GREB1L: variants seen among roughly 807,000 people sequenced by gnomAD.
The protein encoded by GREB1L is GREB1-like protein.
A neutral mutation model predicts 200.8 loss-of-function variants in GREB1L; 17 were observed. The ratio of observed to expected loss-of-function variants is 0.08; its 90% CI spans 0.06 to 0.13. The LOEUF (loss-of-function observed/expected upper bound fraction) is 0.13. Ranked by LOEUF, GREB1L falls within the 10% of genes least tolerant of loss-of-function variation. The pLI is 1.00. For missense variants in GREB1L, 1,657 were observed against 2,367.7 expected (o/e 0.70, Z 6.23); for synonymous variants, 789 against 893.0 (o/e 0.88, Z 2.08).
chr18:21,310,861 T>G (rs1174028582), intron 1 of GREB1L, among the ~76,000 whole-genome samples: 1 of 151,952 alleles, frequency 6.6e-6, no homozygotes, highest in African/African-American at 2.4e-5. Flanking sequence ...TGAATAAGAG[T>G]TAAACATTTT....
chr18:21,435,277 G>A (rs550371247), intron 7 of GREB1L, among the ~76,000 whole-genome samples: 20 of 152,298 alleles, frequency 1.3e-4, no homozygotes, highest in Admixed American at 9.8e-4. Flanking sequence ...GTCAGGGAAT[G>A]ACACTTGTTA....
At chr18:21,407,568 C>G (rs1014877080) in intron 7 of GREB1L, among the ~76,000 whole-genome samples, 5 of 152,144 alleles carry the variant, frequency 3.3e-5, no homozygotes, top group African/African-American at 1.2e-4. Context: ...TCAAATGACT[C>G]TAAATATAAG....
intron 17 of GREB1L, among the ~76,000 whole-genome samples, chr18:21,484,006 G>C (rs9959540): frequency 5.3e-5 from 8 of 151,066 alleles, no homozygotes; most frequent in African/African-American, 1.9e-4. Context: ...TCAGAATTTG[G>C]GCTACCAAAT....
intron 1 of GREB1L, among the ~76,000 whole-genome samples, chr18:21,301,427 C>T (rs1567928075): frequency 6.6e-6 from 1 of 152,152 alleles, no homozygotes; most frequent in African/African-American, 2.4e-5. Flanking sequence ...GCCCAGTTAC[C>T]CCTTCCCAGT....
chr18:21,456,695 T>C (rs1044294954), intron 15 of GREB1L, among the ~76,000 whole-genome samples: 1 of 152,198 alleles, frequency 6.6e-6, no homozygotes, highest in African/African-American at 2.4e-5. Context: ...AATGACTTGT[T>C]GGAAATATCG....
intron 1 of GREB1L, among the ~76,000 whole-genome samples, chr18:21,348,395 C>T (rs78015343): frequency 0.012 from 1,764 of 152,062 alleles, 39 homozygotes; most frequent in African/African-American, 0.04. Flanking sequence ...TCCCAGCACT[C>T]TAGGAGGTTT....
At chr18:21,264,379 A>G (rs1301077363) in intron 1 of GREB1L, among the ~76,000 whole-genome samples, 1 of 152,022 alleles carries the variant, frequency 6.6e-6, no homozygotes, top group Non-Finnish European at 1.5e-5. Context: ...GATCACTTTA[A>G]TCTACTCCTT....
chr18:21,477,079 C>A, intron 16 of GREB1L, 85 bp from the exon 17 acceptor site: 3 of 844,220 alleles, frequency 3.6e-6, no homozygotes, highest in South Asian at 6.6e-5. Context: ...AAAATAAAAA[C>A]TAAAACAGTA....
chr18:21,520,829 T>A lies in GREB1L; in HGVS notation c.5608+6T>A. 5 of 1,526,908 alleles carry A rather than the reference T, an allele frequency of 3.3e-6. No homozygotes were observed. The highest frequency in any genetic ancestry group is 4.4e-6 in the Non-Finnish European group (5 of 1,132,506). 94.6% of individuals were successfully genotyped at this position (1,526,908 alleles called of 1,614,324 possible). A position where few individuals can be genotyped will look rare whatever the true frequency, so the allele number is the denominator to read the frequency against. On this transcript the variant is annotated splice_donor_region_variant and intron_variant, in intron 32 of 32. Coordinates refer to ENST00000424526, the MANE Select transcript of GREB1L (RefSeq NM_001142966.3). The stretch of plus-strand genomic sequence containing the variant: ...GAAATTTAAATTTCTAAAAGGTAAG[T>A]CAAATTTAGTATCTTGCTTGTAATT...
chr18:21,450,393 T>A (rs918256383), intron 12 of GREB1L, among the ~76,000 whole-genome samples: 1 of 152,174 alleles, frequency 6.6e-6, no homozygotes, highest in Non-Finnish European at 1.5e-5. Flanking sequence ...TACATTTTGC[T>A]TCTCTCTTCT....
At chr18:21,299,473 T>C (rs2038583507) in intron 1 of GREB1L, among the ~76,000 whole-genome samples, 3 of 151,922 alleles carry the variant, frequency 2.0e-5, no homozygotes, top group Admixed American at 2.0e-4. Context: ...CCTTTTTATA[T>C]GGTACTCATT....
At chr18:21,491,889 A>G (rs1270771452) in intron 19 of GREB1L, among the ~76,000 whole-genome samples, 1 of 152,138 alleles carries the variant, frequency 6.6e-6, no homozygotes, top group Non-Finnish European at 1.5e-5. Flanking sequence ...TGTAACATTT[A>G]TGTTTCATAT....
chr18:21,469,670 A>G (rs1459572716), intron 15 of GREB1L, among the ~76,000 whole-genome samples: 1 of 152,228 alleles, frequency 6.6e-6, no homozygotes, highest in African/African-American at 2.4e-5. Flanking sequence ...ATATTAACCC[A>G]TGAATGCACA....
Position 21,485,640 on chromosome 18 carries a change from G to A in GREB1L, c.2577G>A (p.Glu859=). The part of the protein sequence containing the change: ...LDTGEDVGCE[E]KLYFGLSEYS... ...ACCAGGAGGACGTGGGCTGCGAGGA[G>A]AAGCTGTACTTTGGCTTGAGTGAGT... Residue 859 remains glutamate, a synonymous_variant, in exon 18 of 33, where the codon GAG becomes GAA. Coordinates refer to ENST00000424526, the MANE Select transcript of GREB1L (RefSeq NM_001142966.3). The A allele has an allele frequency of 6.4e-7, 1 of 1,551,530 alleles. No individual in the cohort carries two copies. The highest frequency in any genetic ancestry group is 8.7e-7 in the Non-Finnish European group (1 of 1,146,906).
In GREB1L at chr18:21,306,408, G is replaced by C. The variant is rs369348075; in HGVS notation, c.-119-59619G>C. On this transcript the variant is annotated intron_variant, in intron 1 of 32. Coordinates refer to ENST00000424526, the MANE Select transcript of GREB1L (RefSeq NM_001142966.3). ...TGGTTATTCAATCAATTTGTGGCAA[G>C]GAAAAGAGACTAGCAATCATAGCTT... 2.6e-5 allele frequency among the ~76,000 whole-genome samples: 4 copies of C among 152,178 alleles called. No homozygotes were observed. The South Asian group carries it at 6.2e-4, about 24-fold the overall frequency.
intron 1 of GREB1L, among the ~76,000 whole-genome samples, chr18:21,297,520 G>GT (rs1018350724): frequency 1.3e-5 from 2 of 152,156 alleles, no homozygotes; most frequent in Non-Finnish European, 2.9e-5. Context: ...GTGTCATGTT[G>GT]TGATGGAAGA....
At chr18:21,426,041 A>G (rs537067614) in intron 7 of GREB1L, among the ~76,000 whole-genome samples, 75 of 149,796 alleles carry the variant, frequency 5.0e-4, no homozygotes, top group Middle Eastern at 3.5e-3. Context: ...TTAGATGTAT[A>G]ATCTATTTTA....
intron 1 of GREB1L, among the ~76,000 whole-genome samples, chr18:21,299,152 C>T (rs2038576939): frequency 6.6e-6 from 1 of 151,320 alleles, no homozygotes; most frequent in Admixed American, 6.6e-5. Context: ...GTGGCAGGTG[C>T]CTGTAATCCC....
chr18:21,354,642 A>G (rs2039478838), intron 1 of GREB1L, among the ~76,000 whole-genome samples: 1 of 152,250 alleles, frequency 6.6e-6, no homozygotes, highest in Non-Finnish European at 1.5e-5. Context: ...AGGTTCTATG[A>G]GAGCTTTTAG....
Sources: gnomAD v4.1 joint callset for allele counts (sites outside exome capture counted in the v4.1 genomes callset) on GRCh38, gnomAD v4.1.1 for gene constraint, MANE v1.5 for transcripts, NCBI Gene and HGNC (gene_info 2026-07-23, HGNC 2026-07-21) for gene names.